DPYD: variants seen among roughly 807,000 people sequenced by gnomAD.
DPYD encodes the protein dihydropyrimidine dehydrogenase [NADP(+)].
Under a neutral mutation model 116.2 loss-of-function variants are expected in DPYD, and 109 were observed. The ratio of observed to expected loss-of-function variants is 0.94; its 90% CI spans 0.80 to 1.10. The LOEUF is 1.10. DPYD is among the 50% of genes least tolerant of loss of function. DPYD has a pLI of 0.00. For missense variants in DPYD, 1,302 were observed against 1,254.5 expected, an observed-to-expected ratio of 1.04 and a Z score of -0.57; for synonymous variants, 440 against 432.0, an observed-to-expected ratio of 1.02 and a Z score of -0.23.
intron 12 of DPYD, among the ~76,000 whole-genome samples, chr1:97,523,927 C>T (rs910567218): frequency 5.3e-5 from 8 of 151,924 alleles, no homozygotes; most frequent in South Asian, 2.1e-4. Context: ...GTGCTTAATG[C>T]CACTGGAACT....
chr1:97,857,185 T>C (rs1670885142), intron 2 of DPYD, among the ~76,000 whole-genome samples: 2 of 152,120 alleles, frequency 1.3e-5, no homozygotes, highest in Admixed American at 1.3e-4. Context: ...ATTTCCTAGC[T>C]ATCATGGAGT....
intron 10 of DPYD, among the ~76,000 whole-genome samples, chr1:97,584,239 T>C (rs562862177): frequency 9.9e-5 from 15 of 152,246 alleles, no homozygotes; most frequent in African/African-American, 3.4e-4. Flanking sequence ...TTCATATCCT[T>C]TGCCCACTTT....
At chr1:97,513,851 ACCT>A (rs903016733) in intron 13 of DPYD, among the ~76,000 whole-genome samples, 3 of 151,828 alleles carry the variant, frequency 2.0e-5, no homozygotes, top group Non-Finnish European at 4.4e-5. Flanking sequence ...AAAAAAGTAG[ACCT>A]CTATGAGGCA....
chr1:97,658,311 G>T (rs1453906026), intron 8 of DPYD, among the ~76,000 whole-genome samples: 1 of 152,104 alleles, frequency 6.6e-6, no homozygotes, highest in Non-Finnish European at 1.5e-5. Flanking sequence ...TACATAATCT[G>T]CAAATGCTGA....
chr1:97,312,435 T>G (rs1370491502), intron 16 of DPYD, among the ~76,000 whole-genome samples: 1 of 151,852 alleles, frequency 6.6e-6, no homozygotes, highest in African/African-American at 2.4e-5. Context: ...TAAATCCACA[T>G]GCATTCAAAA....
At chr1:97,139,649 C>A (rs1043402676) in intron 20 of DPYD, among the ~76,000 whole-genome samples, 5 of 152,098 alleles carry the variant, frequency 3.3e-5, no homozygotes, top group African/African-American at 7.2e-5. Flanking sequence ...TGTTTACGAA[C>A]AACAGATTAA....
At chr1:97,267,731 C>G (rs1012792185) in intron 18 of DPYD, among the ~76,000 whole-genome samples, 2 of 152,126 alleles carry the variant, frequency 1.3e-5, no homozygotes, top group Non-Finnish European at 2.9e-5. Flanking sequence ...CCTCTTATTG[C>G]TGTTGCATTG....
chr1:97,145,693 C>T (rs1654565607), intron 20 of DPYD, among the ~76,000 whole-genome samples: 1 of 151,454 alleles, frequency 6.6e-6, no homozygotes, highest in Non-Finnish European at 1.5e-5. Context: ...TATAACCAGG[C>T]CGTTTTCCTA....
intron 19 of DPYD, among the ~76,000 whole-genome samples, chr1:97,202,063 C>A: frequency 6.6e-6 from 1 of 152,092 alleles, no homozygotes; most frequent in East Asian, 1.9e-4. Flanking sequence ...ACTAAGAAAT[C>A]TGGCTTTGAG....
intron 11 of DPYD, among the ~76,000 whole-genome samples, chr1:97,550,773 A>G (rs1651260586): frequency 6.6e-6 from 1 of 152,212 alleles, no homozygotes. Flanking sequence ...ATTTTGGAAC[A>G]GAAAAGTTAG....
intron 16 of DPYD, among the ~76,000 whole-genome samples, chr1:97,333,560 G>T (rs149533292): frequency 1.6e-5 from 2 of 128,350 alleles, no homozygotes; most frequent in Non-Finnish European, 3.1e-5. Flanking sequence ...TCACACTGTC[G>T]TACAGGCTGG....
chr1:97,498,947 GT>G (rs1679424589), intron 13 of DPYD, among the ~76,000 whole-genome samples: 1 of 151,564 alleles, frequency 6.6e-6, no homozygotes, highest in South Asian at 2.1e-4. Context: ...TTTATAAAGA[GT>G]TCTTCTCTAA....
chr1:97,234,746 C>T (rs531063187), intron 19 of DPYD, 106 bp downstream of exon 19: 1 of 1,437,408 alleles, frequency 7.0e-7, no homozygotes, highest in Non-Finnish European at 9.5e-7. Flanking sequence ...AAATGGCCTC[C>T]TTTTCAAGAG....
intron 19 of DPYD, among the ~76,000 whole-genome samples, chr1:97,214,528 T>C (rs1458714391): frequency 6.6e-6 from 1 of 151,778 alleles, no homozygotes; most frequent in East Asian, 1.9e-4. Context: ...TAGAAGAGAG[T>C]AATATAGTGG....
chr1:97,230,687 T>C (rs1175431106), intron 19 of DPYD, among the ~76,000 whole-genome samples: 2 of 152,094 alleles, frequency 1.3e-5, no homozygotes, highest in African/African-American at 2.4e-5. Flanking sequence ...GGACATTTCA[T>C]GGAGAAATGA....
intron 11 of DPYD, among the ~76,000 whole-genome samples, chr1:97,570,294 C>T (rs1179223329): frequency 6.6e-6 from 1 of 151,886 alleles, no homozygotes. Flanking sequence ...ATTATTGCAA[C>T]CAGAGACTTC....
intron 16 of DPYD, among the ~76,000 whole-genome samples, chr1:97,320,167 T>G (rs915555169): frequency 8.0e-6 from 1 of 125,066 alleles, no homozygotes; most frequent in African/African-American, 3.0e-5. Flanking sequence ...CTTTGAAAAC[T>G]GGCACAAGAC....
chr1:97,476,623 A>G (rs2101868164), intron 13 of DPYD, among the ~76,000 whole-genome samples: 1 of 152,326 alleles, frequency 6.6e-6, no homozygotes, highest in East Asian at 1.9e-4. Context: ...CACAAAATGT[A>G]CTTTTTGAAC....
intron 18 of DPYD, among the ~76,000 whole-genome samples, chr1:97,255,789 G>T (rs1224957130): frequency 4.6e-5 from 7 of 151,734 alleles, no homozygotes; most frequent in Non-Finnish European, 7.4e-5. Context: ...GTGGCACCAG[G>T]ATTTTACCCC....
Sources: gnomAD v4.1 joint callset for allele counts (sites outside exome capture counted in the v4.1 genomes callset) on GRCh38, gnomAD v4.1.1 for gene constraint, MANE v1.5 for transcripts, NCBI Gene and HGNC (gene_info 2026-07-23, HGNC 2026-07-21) for gene names.